EYS: variants seen among roughly 807,000 people sequenced by gnomAD.
The protein encoded by EYS is EGF-like photoreceptor maintenance factor.
In EYS, 250 loss-of-function variants were observed where a neutral mutation model predicts 282.1. The ratio of observed to expected loss-of-function variants is 0.89; its 90% CI spans 0.80 to 0.98. The LOEUF is 0.98. Among genes scored for constraint, EYS ranks in the 50% least tolerant of loss-of-function variants. The probability of loss-of-function intolerance (pLI) is 0.00; values close to 1 mark genes in which losing one functional copy is unlikely to be tolerated. For synonymous variants in EYS, 1,355 were observed against 1,282.9 expected (o/e 1.06, Z -1.20); for missense variants, 4,016 against 3,709.0 (o/e 1.08, Z -2.15).
At chr6:64,508,551 T>TTTATTATTA (rs34222008) in intron 26 of EYS, among the ~76,000 whole-genome samples, 1,968 of 142,488 alleles carry the variant, frequency 0.014, 28 homozygotes, top group East Asian at 0.064. Context: ...TTTCTAAGTA[T>TTTATTATTA]TTATTATTAT....
chr6:65,510,732 G>C (rs1469331122), intron 2 of EYS, among the ~76,000 whole-genome samples: 1 of 152,074 alleles, frequency 6.6e-6, no homozygotes, highest in African/African-American at 2.4e-5. Context: ...ATTAAGACTT[G>C]AAGTATGTCA....
At position 63,765,803 on chromosome 6, in the gene EYS, C is replaced by T. The variant is rs13195867; in HGVS notation, c.7899-3170G>A. Among the ~76,000 whole-genome samples the T allele has an allele frequency of 7.2e-3, 1,088 of 152,072 alleles. 7 individuals carry two copies. Among genetic ancestry groups the T allele is most frequent in the Non-Finnish European group, 0.013 (879 of 67,942 alleles). ...TCCCCACCTCCCTGTTACCTACCAC[C>T]GTTCTCAGCCTCTAGTGACCATCCT... On this transcript the variant is annotated intron_variant, in intron 40 of 42. Coordinates refer to ENST00000503581, the MANE Select transcript of EYS (RefSeq NM_001142800.2).
intron 24 of EYS, among the ~76,000 whole-genome samples, chr6:64,616,420 T>TGAGAAAGGGATATG (rs1454319942): frequency 1.2e-4 from 18 of 152,114 alleles, no homozygotes; most frequent in Non-Finnish European, 2.6e-4. Context: ...AAGATATCTG[T>TGAGAAAGGGATATG]TTGAGCTCAT....
chr6:64,242,850 A>T (rs898130781), intron 30 of EYS, among the ~76,000 whole-genome samples: 2 of 147,254 alleles, frequency 1.4e-5, no homozygotes, highest in African/African-American at 2.5e-5. Flanking sequence ...ATATATAAAA[A>T]TTATAACATG....
At chr6:64,497,077 G>A (rs78498463) in intron 26 of EYS, among the ~76,000 whole-genome samples, 1,561 of 152,072 alleles carry the variant, frequency 0.01, 27 homozygotes, top group African/African-American at 0.035. Flanking sequence ...ATATATTGAA[G>A]ACCTACTACT....
intron 22 of EYS, among the ~76,000 whole-genome samples, chr6:64,767,450 A>G (rs1773387138): frequency 6.6e-6 from 1 of 151,810 alleles, no homozygotes; most frequent in Non-Finnish European, 1.5e-5. Context: ...TCCAGCCTCT[A>G]GTATTCTTTG....
chr6:65,150,594 T>C (rs1764589479), intron 12 of EYS, among the ~76,000 whole-genome samples: 1 of 152,006 alleles, frequency 6.6e-6, no homozygotes, highest in Non-Finnish European at 1.5e-5. Context: ...AAATAGTCTG[T>C]CATTACAGGA....
intron 41 of EYS, among the ~76,000 whole-genome samples, chr6:63,751,684 T>A (rs1769343373): frequency 6.6e-6 from 1 of 152,194 alleles, no homozygotes; most frequent in Non-Finnish European, 1.5e-5. Context: ...GCTGAAGGAA[T>A]GGATTATTGT....
In EYS at chr6:63,720,611, T is replaced by G. The variant is rs898765917; in HGVS notation, c.9420A>C (p.Gln3140His). ...EGYNVYDGDE[Q>H]NEVT ...TAGTGTTAACTTATGTAACCTCATTTTGTTCATCTCCATCATAAACATTGT... is the reference window on the plus strand; with the variant it reads ...TAGTGTTAACTTATGTAACCTCATTGTGTTCATCTCCATCATAAACATTGT... Residue 3140 changes from glutamine to histidine, a missense_variant, in exon 43 of 43, where the codon CAA becomes CAC. Gln to His is a conservative substitution (Grantham distance 24). Coordinates refer to ENST00000503581, the MANE Select transcript of EYS (RefSeq NM_001142800.2). The G allele has an allele frequency of 4.0e-6, 6 of 1,485,764 alleles. No homozygotes were observed. The highest frequency in any genetic ancestry group is 4.5e-6 in the Non-Finnish European group (5 of 1,115,558). The allele number at this position is 1,485,764 out of a possible 1,614,324, so 92.0% of individuals were successfully genotyped here. A position where few individuals can be genotyped will look rare whatever the true frequency, so the allele number is the denominator to read the frequency against.
At chr6:65,371,731 CTCTCTCTCTCTGTGTGTGTG>C (rs1451724368) in intron 8 of EYS, among the ~76,000 whole-genome samples, 2 of 51,004 alleles carry the variant, frequency 3.9e-5, no homozygotes, top group Non-Finnish European at 5.1e-5. Context: ...CTCTCTCTCT[CTCTCTCTCTCTGTGTGTGTG>C]TGTGTGTGTG....
chr6:64,455,242 A>G lies in EYS; in HGVS notation c.5645-15890T>C, dbSNP rs141886765. ...CGTTTATTTTTAATAATACTATATC[A>G]TCTGTGAATAATGAGACCCTTCTTT... is the stretch of plus-strand genomic sequence containing the variant. On this transcript the variant is annotated intron_variant, in intron 26 of 42. Transcript: ENST00000503581. 8.7e-3 allele frequency among the ~76,000 whole-genome samples: 1,317 copies of G among 152,174 alleles called. 27 individuals carry two copies. Among genetic ancestry groups the G allele is most frequent in the African/African-American group, 0.029 (1,207 of 41,516 alleles).
chr6:65,258,786 T>G (rs1485157494), intron 12 of EYS, among the ~76,000 whole-genome samples: 2 of 152,018 alleles, frequency 1.3e-5, no homozygotes, highest in African/African-American at 2.4e-5. Flanking sequence ...CTACCATATG[T>G]TTAAGGCTGA....
At chr6:65,268,734 G>A (rs929708356) in intron 12 of EYS, among the ~76,000 whole-genome samples, 38 of 151,704 alleles carry the variant, frequency 2.5e-4, no homozygotes, top group African/African-American at 9.2e-4. Flanking sequence ...GTTTTATCTG[G>A]AAAGAAAAAC....
chr6:64,335,707 T>C (rs1170191239), intron 29 of EYS, among the ~76,000 whole-genome samples: 1 of 152,032 alleles, frequency 6.6e-6, no homozygotes, highest in Non-Finnish European at 1.5e-5. Flanking sequence ...AAGGAAAGAA[T>C]CTTAAGAGCT....
intron 30 of EYS, among the ~76,000 whole-genome samples, chr6:64,294,115 T>A (rs1406960726): frequency 6.8e-6 from 1 of 146,562 alleles, no homozygotes; most frequent in East Asian, 2.0e-4. Context: ...TATACACAGA[T>A]ATAATTAGTA....
intron 14 of EYS, among the ~76,000 whole-genome samples, chr6:64,989,291 T>G (rs889589237): frequency 5.6e-4 from 83 of 148,926 alleles, no homozygotes; most frequent in African/African-American, 2.0e-3. Context: ...ACTACAAAAT[T>G]TAACCCTACT....
chr6:65,306,846 A>C (rs1173255185), intron 11 of EYS, among the ~76,000 whole-genome samples: 1 of 150,504 alleles, frequency 6.6e-6, no homozygotes, highest in Non-Finnish European at 1.5e-5. Flanking sequence ...AAAAAAAAAA[A>C]AAAAAAAAAA....
rs4034161 is a variant in EYS at position 64,564,268 on chromosome 6, C to CTTTTT, written c.5644+25950_5644+25954dup. Among the ~76,000 whole-genome samples, 159 of 59,386 alleles carry CTTTTT rather than the reference C, an allele frequency of 2.7e-3. 42 individuals are homozygous for CTTTTT. The highest frequency in any genetic ancestry group is 5.2e-3 in the Admixed American group (15 of 2,910). 39.0% of individuals were successfully genotyped at this position (59,386 alleles called of 152,430 possible). On this transcript the variant is annotated intron_variant, in intron 26 of 42. Transcript: ENST00000503581. ...TCCTCATCAACACGTATCTTTTGTC[C>CTTTTT]TTTTTTTTTTTTTTTTTTTTTTTTT...
intron 30 of EYS, among the ~76,000 whole-genome samples, chr6:64,256,821 T>C (rs77900572): frequency 0.028 from 4,315 of 152,118 alleles, 143 homozygotes; most frequent in East Asian, 0.075. Flanking sequence ...TTGATGTATA[T>C]GCCCACGAGA....
Sources: allele counts gnomAD v4.1 joint callset (sites outside exome capture counted in the v4.1 genomes callset), GRCh38; gene constraint gnomAD v4.1.1; transcripts MANE v1.5; gene names NCBI Gene and HGNC (gene_info 2026-07-23, HGNC 2026-07-21).